Variants in CA10 observed in about 807,000 individuals in gnomAD.
CA10 encodes the protein carbonic anhydrase-related protein 10.
CA10 carries 14 observed loss-of-function variants against 44.2 expected under a neutral mutation model. The observed-to-expected ratio is 0.32, with a 90% confidence interval of 0.21 to 0.50. The LOEUF is 0.50. Ranked by LOEUF, CA10 falls within the 20% of genes least tolerant of loss-of-function variation. CA10 has a pLI of 0.99. For missense variants in CA10, 350 were observed against 409.7 expected, an observed-to-expected ratio of 0.85 and a Z score of 1.26; for synonymous variants, 159 against 141.6, an observed-to-expected ratio of 1.12 and a Z score of -0.87.
chr17:52,067,215 C>T (rs2038695920), intron 2 of CA10, among the ~76,000 whole-genome samples: 1 of 152,264 alleles, frequency 6.6e-6, no homozygotes, highest in Admixed American at 6.5e-5. Context: ...GGGCCCAAGG[C>T]CTAGCTGCTT....
rs567094394 is a variant in CA10, at chr17:52,049,266, C to T, written c.136+23053G>A. On this transcript the variant is annotated intron_variant, in intron 2 of 8. Coordinates refer to ENST00000451037, the MANE Select transcript of CA10 (RefSeq NM_020178.5). ...TGGCAGAGTACTCAGAATGTGAATT[C>T]TGCAGCTGGACTGCCTGGGTTTGAG... 4.6e-5 allele frequency among the ~76,000 whole-genome samples: 7 copies of T among 152,202 alleles called. No individual in the cohort carries two copies. In the East Asian group the frequency reaches 9.7e-4, roughly 21 times the overall value.
intron 2 of CA10, among the ~76,000 whole-genome samples, chr17:52,016,368 T>G (rs958888675): frequency 7.2e-5 from 11 of 152,168 alleles, no homozygotes; most frequent in African/African-American, 2.7e-4. Flanking sequence ...ATATTTCCAG[T>G]GCATTGCAGA....
chr17:51,925,951 G>A (rs1982411403), intron 3 of CA10, among the ~76,000 whole-genome samples: 1 of 152,128 alleles, frequency 6.6e-6, no homozygotes, highest in Admixed American at 6.6e-5. Context: ...GGAAAATGGG[G>A]AGTTCTTGTT....
chr17:52,020,147 A>G (rs1338187825), intron 2 of CA10, among the ~76,000 whole-genome samples: 1 of 152,018 alleles, frequency 6.6e-6, no homozygotes, highest in Non-Finnish European at 1.5e-5. Flanking sequence ...TCATTATAAA[A>G]TATCCTGTTT....
intron 2 of CA10, among the ~76,000 whole-genome samples, chr17:52,027,266 G>C (rs1986331218): frequency 6.6e-6 from 1 of 152,072 alleles, no homozygotes; most frequent in Admixed American, 6.6e-5. Context: ...ATGGGGAGTG[G>C]CTGTAAATGC....
chr17:51,987,980 T>C (rs1345944011), intron 2 of CA10, among the ~76,000 whole-genome samples: 2 of 152,072 alleles, frequency 1.3e-5, no homozygotes, highest in Non-Finnish European at 2.9e-5. Context: ...CTGCTTCTTA[T>C]TCTTCAATAC....
intron 2 of CA10, among the ~76,000 whole-genome samples, chr17:51,971,826 G>A (rs963674947): frequency 1.8e-4 from 28 of 151,568 alleles, no homozygotes; most frequent in Admixed American, 8.6e-4. Flanking sequence ...CTAGTATAAC[G>A]TATATTTAAA....
chr17:51,976,590 T>G (rs1359948599), intron 2 of CA10, among the ~76,000 whole-genome samples: 1 of 131,972 alleles, frequency 7.6e-6, no homozygotes, highest in African/African-American at 2.4e-5. Flanking sequence ...ATTTGTAGAA[T>G]GCAGTTAAAG....
At chr17:51,647,460 T>C (rs12950011) in intron 6 of CA10, among the ~76,000 whole-genome samples, 64,754 of 151,822 alleles carry the variant, frequency 0.43, 14,519 homozygotes, top group Non-Finnish European at 0.48. Flanking sequence ...GTCTTTTCCT[T>C]CTTCCCTGCC....
At chr17:51,987,631 G>C (rs1023415720) in intron 2 of CA10, among the ~76,000 whole-genome samples, 2 of 151,828 alleles carry the variant, frequency 1.3e-5, no homozygotes, top group Admixed American at 1.3e-4. Context: ...CTATGTGCCA[G>C]ATAAAAGCAG....
At chr17:52,147,286 A>G (rs370517118) in intron 1 of CA10, among the ~76,000 whole-genome samples, 1 of 152,138 alleles carries the variant, frequency 6.6e-6, no homozygotes, top group African/African-American at 2.4e-5. Flanking sequence ...GTGACACTAA[A>G]ACACTTTGCA....
chr17:52,101,072 T>C (rs1411464215), intron 1 of CA10, among the ~76,000 whole-genome samples: 1 of 152,152 alleles, frequency 6.6e-6, no homozygotes, highest in Non-Finnish European at 1.5e-5. Context: ...AGAATTCTAG[T>C]CTCGACAACC....
intron 2 of CA10, among the ~76,000 whole-genome samples, chr17:51,972,431 C>T (rs1327132045): frequency 6.9e-6 from 1 of 145,806 alleles, no homozygotes; most frequent in Non-Finnish European, 1.5e-5. Flanking sequence ...TCTAAGTTAT[C>T]TGAAAACAAC....
chr17:52,125,564 A>G (rs1989101461), intron 1 of CA10, among the ~76,000 whole-genome samples: 1 of 152,128 alleles, frequency 6.6e-6, no homozygotes, highest in Admixed American at 6.5e-5. Context: ...AGTACCCTAT[A>G]TGTAAATCTT....
In CA10 at chr17:51,717,833, A is replaced by G. The variant is rs1230146099; in HGVS notation, c.465+29800T>C. On this transcript the variant is annotated intron_variant, in intron 4 of 8. Transcript: ENST00000451037. Reference sequence around the variant, plus strand: ...TACACGTATATATATGTGTGTGTATATATATATATATATATATATATATAT... The same window carrying G: ...TACACGTATATATATGTGTGTGTATGTATATATATATATATATATATATAT... Among the ~76,000 whole-genome samples, 482 of 58,508 alleles carry G rather than the reference A, an allele frequency of 8.2e-3. 110 individuals carry two copies. Among genetic ancestry groups the G allele is most frequent in the African/African-American group, 0.016 (174 of 11,076 alleles). 38.4% of individuals were successfully genotyped at this position (58,508 alleles called of 152,430 possible).
intron 3 of CA10, among the ~76,000 whole-genome samples, chr17:51,861,814 G>A: frequency 6.6e-6 from 1 of 152,182 alleles, no homozygotes; most frequent in Non-Finnish European, 1.5e-5. Flanking sequence ...TTGAATAAAA[G>A]ATTACTTATG....
chr17:51,666,112 A>G (rs1914195632), intron 4 of CA10, among the ~76,000 whole-genome samples: 1 of 152,224 alleles, frequency 6.6e-6, no homozygotes, highest in African/African-American at 2.4e-5. Context: ...ACCTTCACTC[A>G]TTGATTCTTC....
At chr17:52,146,867 T>C (rs1378150884) in intron 1 of CA10, among the ~76,000 whole-genome samples, 1 of 151,922 alleles carries the variant, frequency 6.6e-6, no homozygotes, top group Non-Finnish European at 1.5e-5. Flanking sequence ...CCATAGGAGG[T>C]AGCACAGCCC....
At chr17:52,133,523 G>GAA (rs375461928) in intron 1 of CA10, among the ~76,000 whole-genome samples, 1 of 147,832 alleles carries the variant, frequency 6.8e-6, no homozygotes, top group African/African-American at 2.5e-5. Flanking sequence ...GTGTTAACAA[G>GAA]AAAAAAAAAA....
Sources: gnomAD v4.1 joint callset for allele counts (sites outside exome capture counted in the v4.1 genomes callset) on GRCh38, gnomAD v4.1.1 for gene constraint, MANE v1.5 for transcripts, NCBI Gene and HGNC (gene_info 2026-07-23, HGNC 2026-07-21) for gene names.